The following CEP128 variants were observed in gnomAD, a reference collection of about 807,000 sequenced individuals.
CEP128 encodes centrosomal protein 128kDa.
Under a neutral mutation model 156.7 loss-of-function variants are expected in CEP128, and 132 were observed. The ratio of observed to expected loss-of-function variants is 0.84; its 90% CI spans 0.73 to 0.97. The LOEUF (loss-of-function observed/expected upper bound fraction) is 0.97. Among genes scored for constraint, CEP128 ranks in the 50% least tolerant of loss-of-function variants. CEP128 has a pLI of 0.00. For synonymous variants in CEP128, 469 were observed against 448.9 expected (o/e 1.04, Z -0.57); for missense variants, 1,252 against 1,281.9 (o/e 0.98, Z 0.36).
chr14:80,478,908 T>C (rs1886997102), intron 14 of CEP128, among the ~76,000 whole-genome samples: 1 of 152,218 alleles, frequency 6.6e-6, no homozygotes, highest in Non-Finnish European at 1.5e-5. Flanking sequence ...TGTCACTCAT[T>C]GTTCAACAGC....
chr14:80,483,096 C>T (rs1887089227), intron 14 of CEP128, among the ~76,000 whole-genome samples: 1 of 152,312 alleles, frequency 6.6e-6, no homozygotes, highest in Middle Eastern at 3.4e-3. Context: ...AGTCAACAAT[C>T]AGGGAACAAC....
intron 8 of CEP128, among the ~76,000 whole-genome samples, chr14:80,866,044 C>G (rs1887752916): frequency 6.6e-6 from 1 of 152,070 alleles, no homozygotes; most frequent in Admixed American, 6.5e-5. Context: ...TTGTACATAC[C>G]CAGACACCAT....
intron 14 of CEP128, among the ~76,000 whole-genome samples, chr14:80,481,884 C>G (rs1887061192): frequency 6.6e-6 from 1 of 152,306 alleles, no homozygotes; most frequent in African/African-American, 2.4e-5. Context: ...TAGACTAATT[C>G]TTAATATTAT....
downstream of CEP128, among the ~76,000 whole-genome samples, chr14:80,485,547 A>G (rs1887143729): frequency 6.6e-6 from 1 of 151,648 alleles, no homozygotes; most frequent in Non-Finnish European, 1.5e-5. Context: ...ATACTGAAAC[A>G]TATAGGTCTA....
intron 19 of CEP128, among the ~76,000 whole-genome samples, chr14:80,701,862 G>A (rs1485886812): frequency 6.6e-6 from 1 of 152,092 alleles, no homozygotes; most frequent in Admixed American, 6.6e-5. Context: ...CAGCAAACAG[G>A]CCGGATACAT....
chr14:80,949,785 T>C (rs1345804872), intron 2 of CEP128, among the ~76,000 whole-genome samples: 2 of 152,142 alleles, frequency 1.3e-5, no homozygotes, highest in East Asian at 1.9e-4. Flanking sequence ...ATATTTACAA[T>C]ATCTGCCATC....
chr14:80,856,164 G>A (rs1481738321), intron 9 of CEP128, among the ~76,000 whole-genome samples: 1 of 152,134 alleles, frequency 6.6e-6, no homozygotes, highest in Non-Finnish European at 1.5e-5. Context: ...ACTGAGCTGA[G>A]CTCCCATCTT....
downstream of CEP128, among the ~76,000 whole-genome samples, chr14:80,491,714 G>C (rs559572321): frequency 1.3e-5 from 2 of 152,152 alleles, no homozygotes; most frequent in African/African-American, 2.4e-5. Flanking sequence ...CAAACTGCTA[G>C]CCAGCAGTCT....
chr14:80,637,097 AAAAAG>A (rs200485620), intron 19 of CEP128, among the ~76,000 whole-genome samples: 35,210 of 148,790 alleles, frequency 0.24, 4,647 homozygotes, highest in African/African-American at 0.35. Context: ...TAAAAAAAAA[AAAAAG>A]AAAAGAAAAT....
At chr14:80,801,820 A>C (rs1883874425) in intron 13 of CEP128, among the ~76,000 whole-genome samples, 1 of 144,290 alleles carries the variant, frequency 6.9e-6, no homozygotes, top group Non-Finnish European at 1.5e-5. Context: ...AGGCAGGAGA[A>C]TCGCTTGAAC....
intron 24 of CEP128, among the ~76,000 whole-genome samples, chr14:80,497,876 C>T (rs572354638): frequency 1.5e-4 from 23 of 152,286 alleles, no homozygotes; most frequent in African/African-American, 4.6e-4. Flanking sequence ...CACGTGCACA[C>T]GCACACACAC....
chr14:80,649,220 T>C (rs1366358167), intron 19 of CEP128, among the ~76,000 whole-genome samples: 2 of 152,088 alleles, frequency 1.3e-5, no homozygotes, highest in Non-Finnish European at 2.9e-5. Context: ...GTGTTTCAAA[T>C]TGGACCCTCC....
intron 8 of CEP128, among the ~76,000 whole-genome samples, chr14:80,882,589 T>A (rs1462331547): frequency 2.0e-5 from 3 of 152,046 alleles, no homozygotes; most frequent in African/African-American, 7.2e-5. Context: ...AAAACAAAGG[T>A]AATCAGTGTA....
intron 19 of CEP128, among the ~76,000 whole-genome samples, chr14:80,609,580 T>C (rs1892915138): frequency 1.3e-5 from 2 of 152,182 alleles, no homozygotes; most frequent in Non-Finnish European, 2.9e-5. Flanking sequence ...GCCATAATTA[T>C]TGGAGCAGTC....
chr14:80,514,691 T>C, intron 23 of CEP128: 1 of 418,324 alleles, frequency 2.4e-6, no homozygotes, highest in Middle Eastern at 3.4e-4. Context: ...AAAGGTCACA[T>C]ATTTTTGTCA....
At chr14:80,719,620 T>C (rs1327957150) in intron 19 of CEP128, among the ~76,000 whole-genome samples, 1 of 152,226 alleles carries the variant, frequency 6.6e-6, no homozygotes, top group Non-Finnish European at 1.5e-5. Flanking sequence ...AGCCTGATTA[T>C]AGCTATCCAT....
intron 19 of CEP128, among the ~76,000 whole-genome samples, chr14:80,649,801 C>T (rs111364706): frequency 0.023 from 3,517 of 152,176 alleles, 144 homozygotes; most frequent in African/African-American, 0.078. Context: ...CAGTACCATG[C>T]TGTTTTGGTT....
chr14:80,807,057 ATT>A (rs1238134374), intron 13 of CEP128, among the ~76,000 whole-genome samples: 7 of 152,150 alleles, frequency 4.6e-5, no homozygotes, highest in African/African-American at 1.7e-4. Flanking sequence ...AAAAATAAAT[ATT>A]GTTTCAAATA....
intron 19 of CEP128, among the ~76,000 whole-genome samples, chr14:80,666,548 A>G (rs1895621053): frequency 6.6e-6 from 1 of 152,160 alleles, no homozygotes; most frequent in African/African-American, 2.4e-5. Context: ...CAGAAATCCA[A>G]AAATGATGAG....
Sources: allele counts gnomAD v4.1 joint callset (sites outside exome capture counted in the v4.1 genomes callset), GRCh38; gene constraint gnomAD v4.1.1; transcripts MANE v1.5; gene names NCBI Gene and HGNC (gene_info 2026-07-23, HGNC 2026-07-21).